The following DIS3L2 variants were observed in gnomAD, a reference collection of about 807,000 sequenced individuals.
DIS3L2 encodes DIS3-like exonuclease 2.
A neutral mutation model predicts 97.5 loss-of-function variants in DIS3L2; 34 were observed. That is an observed-to-expected ratio of 0.35 (90% confidence interval 0.27 to 0.46). The LOEUF (loss-of-function observed/expected upper bound fraction) is 0.46. DIS3L2 is among the 20% of genes least tolerant of loss of function. DIS3L2 has a pLI of 1.00. For synonymous variants in DIS3L2, 435 were observed against 445.2 expected, an observed-to-expected ratio of 0.98 and a Z score of 0.29; for missense variants, 1,038 against 1,146.0, an observed-to-expected ratio of 0.91 and a Z score of 1.36.
chr2:232,080,513 C>T (rs2106298889), intron 5 of DIS3L2, among the ~76,000 whole-genome samples: 1 of 152,198 alleles, frequency 6.6e-6, no homozygotes. Flanking sequence ...TTTTGAAAAA[C>T]AGTCATAACG....
At chr2:232,294,275 G>A (rs1030651807) in intron 13 of DIS3L2, among the ~76,000 whole-genome samples, 1 of 152,218 alleles carries the variant, frequency 6.6e-6, no homozygotes, top group African/African-American at 2.4e-5. Flanking sequence ...GGTTGGGTCT[G>A]CTTCCCCCCG....
chr2:232,070,455 C>T (rs556542402), intron 5 of DIS3L2, among the ~76,000 whole-genome samples: 17 of 152,278 alleles, frequency 1.1e-4, no homozygotes, highest in East Asian at 1.9e-4. Flanking sequence ...TATCACCTTG[C>T]TACTGAGAGA....
rs1008216660 is a variant in DIS3L2, at chr2:232,290,722, CAGG to C, written c.1660-9315_1660-9313del. On this transcript the variant is annotated intron_variant, in intron 13 of 20. Coordinates refer to ENST00000325385, the MANE Select transcript of DIS3L2 (RefSeq NM_152383.5). ...CCTCTGGAACAAGGTGCAGCGCAGT[CAGG>C]AGAAGTGGCTTTAAGTGAAAACACA... 3.3e-5 allele frequency among the ~76,000 whole-genome samples: 5 copies of C among 152,292 alleles called. No individual in the cohort carries two copies. In the East Asian group the frequency reaches 7.7e-4, roughly 23 times the overall value.
In DIS3L2 at chr2:232,037,139, C is replaced by T. The variant is rs181172600; in HGVS notation, c.366+7059C>T. On this transcript the variant is annotated intron_variant, in intron 5 of 20. Coordinates refer to ENST00000325385, the MANE Select transcript of DIS3L2 (RefSeq NM_152383.5). This position sits in a 1 kb window ranked among gnomAD's most constrained non-coding sequence, Gnocchi z 4.6. Reference sequence around the variant, plus strand: ...AGTCTGCTGAAGCTGCACCCACATCCGCCCCTTCCCCCAGGTGCTCTGTCC... The same window carrying T: ...AGTCTGCTGAAGCTGCACCCACATCTGCCCCTTCCCCCAGGTGCTCTGTCC... 9.2e-5 allele frequency among the ~76,000 whole-genome samples: 14 copies of T among 152,336 alleles called. No individual in the cohort carries two copies. Among genetic ancestry groups the T allele is most frequent in the South Asian group, 6.2e-4 (3 of 4,834 alleles).
intron 5 of DIS3L2, among the ~76,000 whole-genome samples, chr2:232,078,782 G>A (rs564212668): frequency 1.4e-4 from 22 of 152,330 alleles, no homozygotes; most frequent in African/African-American, 5.1e-4. Context: ...TAACAATAAT[G>A]CAGTAAAGAA....
At chr2:231,989,591 C>T (rs937205447) in intron 1 of DIS3L2, among the ~76,000 whole-genome samples, 1 of 152,036 alleles carries the variant, frequency 6.6e-6, no homozygotes, top group African/African-American at 2.4e-5. Flanking sequence ...AATCTCTGCA[C>T]TGAGGGAGGC....
intron 9 of DIS3L2, among the ~76,000 whole-genome samples, chr2:232,190,584 G>C (rs527979697): frequency 2.8e-4 from 43 of 151,796 alleles, no homozygotes; most frequent in Non-Finnish European, 3.5e-4. Flanking sequence ...AGAAAGAAGA[G>C]AGAGAGAGGA....
At chr2:232,148,907 C>A (rs147078078) in intron 8 of DIS3L2, among the ~76,000 whole-genome samples, 1 of 147,906 alleles carries the variant, frequency 6.8e-6, no homozygotes, top group Admixed American at 6.8e-5. Flanking sequence ...GTTTCTGAGT[C>A]AGTGCTGACT....
intron 13 of DIS3L2, among the ~76,000 whole-genome samples, chr2:232,288,271 GC>G (rs1327658149): frequency 6.6e-6 from 1 of 152,226 alleles, no homozygotes; most frequent in African/African-American, 2.4e-5. Flanking sequence ...GCGTAAGACA[GC>G]CTTATGCAGG....
At chr2:232,127,564 T>A (rs542758346) in intron 6 of DIS3L2, among the ~76,000 whole-genome samples, 74 of 152,364 alleles carry the variant, frequency 4.9e-4, no homozygotes, top group African/African-American at 1.5e-3. Flanking sequence ...CCTGCTCTTA[T>A]CTTGCCCTGG....
chr2:232,089,579 A>C (rs1463364476), intron 6 of DIS3L2, among the ~76,000 whole-genome samples: 1 of 152,254 alleles, frequency 6.6e-6, no homozygotes, highest in Admixed American at 6.5e-5. Flanking sequence ...CTTCATTAAC[A>C]AGATCAGCAA....
chr2:232,117,610 C>T (rs1362837681), intron 6 of DIS3L2, among the ~76,000 whole-genome samples: 1 of 152,194 alleles, frequency 6.6e-6, no homozygotes, highest in African/African-American at 2.4e-5. Context: ...CTCTCTGGCT[C>T]CCCTTGCCCA....
At chr2:232,129,279 T>C (rs1188951144) in intron 6 of DIS3L2, among the ~76,000 whole-genome samples, 1 of 152,214 alleles carries the variant, frequency 6.6e-6, no homozygotes, top group Non-Finnish European at 1.5e-5. Context: ...AATTCCACGC[T>C]TTGATTTTTT....
intron 9 of DIS3L2, among the ~76,000 whole-genome samples, chr2:232,208,113 T>C (rs1692081301): frequency 6.6e-6 from 1 of 152,212 alleles, no homozygotes; most frequent in African/African-American, 2.4e-5. Flanking sequence ...TGACCTTCTT[T>C]TGCTGTATGT....
chr2:232,041,588 C>G (rs1695112255), intron 5 of DIS3L2, among the ~76,000 whole-genome samples: 1 of 152,044 alleles, frequency 6.6e-6, no homozygotes. Flanking sequence ...TTGGTTGTAC[C>G]AAAGGAGTCT....
chr2:232,017,661 C>A (rs1694395918), intron 3 of DIS3L2, among the ~76,000 whole-genome samples: 1 of 152,186 alleles, frequency 6.6e-6, no homozygotes, highest in Non-Finnish European at 1.5e-5. Flanking sequence ...TCACCCTGAG[C>A]CTTCCAGTCT....
intron 10 of DIS3L2, among the ~76,000 whole-genome samples, chr2:232,219,426 C>T (rs1357919834): frequency 6.6e-6 from 1 of 152,090 alleles, no homozygotes; most frequent in Non-Finnish European, 1.5e-5. Context: ...CTTGCCTTGC[C>T]CCTTTATTTC....
At chr2:232,054,470 A>G (rs1388745338) in intron 5 of DIS3L2, among the ~76,000 whole-genome samples, 2 of 152,182 alleles carry the variant, frequency 1.3e-5, no homozygotes, top group Non-Finnish European at 2.9e-5. Flanking sequence ...ACCTTTTTCT[A>G]ATTTGAAAGG....
rs972480953 is a variant in DIS3L2, at chr2:232,080,894, C to G, written c.367-6593C>G. ...CAAGCGTAGGTAACAAAGTGCAGCT[C>G]TGTCTCAAAAAAAAAAAAAAAAAAA... On this transcript the variant is annotated intron_variant, in intron 5 of 20. Transcript: ENST00000325385. Among the ~76,000 whole-genome samples the G allele has an allele frequency of 6.5e-5, 6 of 92,496 alleles. No individual in the cohort carries two copies. The South Asian group carries it at 2.3e-3, about 35-fold the overall frequency. The allele number at this position is 92,496 out of a possible 152,430, so 60.7% of individuals were successfully genotyped here.
Sources: allele counts gnomAD v4.1 joint callset (sites outside exome capture counted in the v4.1 genomes callset), GRCh38; gene constraint gnomAD v4.1.1; non-coding constraint Gnocchi (gnomAD v3.1); transcripts MANE v1.5; gene names NCBI Gene and HGNC (gene_info 2026-07-23, HGNC 2026-07-21).